Variants in DYNC2I1 observed in about 807,000 individuals in gnomAD.
The protein encoded by DYNC2I1 is dynein 2 intermediate chain 1.
Under a neutral mutation model 133.4 loss-of-function variants are expected in DYNC2I1, and 89 were observed. The observed-to-expected ratio is 0.67, with a 90% CI of 0.56 to 0.80. DYNC2I1 has a LOEUF of 0.80. Ranked by LOEUF, DYNC2I1 falls within the 30% of genes least tolerant of loss-of-function variation. The pLI, the probability that DYNC2I1 is intolerant of heterozygous loss-of-function variation, is 0.00. For synonymous variants in DYNC2I1, 504 were observed against 484.3 expected (o/e 1.04, Z -0.54); for missense variants, 1,291 against 1,314.5 (o/e 0.98, Z 0.28).
At chr7:158,930,566 A>G (rs998305733) in intron 21 of DYNC2I1, 51 bp downstream of exon 21, 41 of 1,509,210 alleles carry the variant, frequency 2.7e-5, no homozygotes, top group Non-Finnish European at 3.6e-5. Context: ...CTAGAAGGAA[A>G]ATAACATTGG....
Position 158,876,709 on chromosome 7 carries a change from T to G in DYNC2I1, c.573+18T>G. 3 of 1,533,932 alleles carry G rather than the reference T, an allele frequency of 2.0e-6. No individual in the cohort carries two copies. Among genetic ancestry groups the G allele is most frequent in the Non-Finnish European group, 2.6e-6 (3 of 1,148,416 alleles). ...AAAGAAAGGTATACGAAGCAAGGCCTGGGGAAAAGTTTTCCAAATGTTGCC... is the reference window on the plus strand; with the variant it reads ...AAAGAAAGGTATACGAAGCAAGGCCGGGGGAAAAGTTTTCCAAATGTTGCC... On this transcript the variant is annotated intron_variant, in intron 4 of 24. Coordinates refer to ENST00000407559, the MANE Select transcript of DYNC2I1 (RefSeq NM_018051.5).
intron 5 of DYNC2I1, among the ~76,000 whole-genome samples, chr7:158,881,591 C>CT (rs1047172427): frequency 1.2e-4 from 19 of 152,006 alleles, no homozygotes; most frequent in Admixed American, 1.2e-3. Flanking sequence ...GTAGCTGGGA[C>CT]TACAGGCATG....
Position 158,891,213 on chromosome 7 carries a change from C to T in DYNC2I1, c.991-52C>T. 3.7e-6 allele frequency: 6 copies of T among 1,604,236 alleles called. No homozygotes were observed. The South Asian group carries it at 4.4e-5, about 12-fold the overall frequency. On this transcript the variant is annotated intron_variant, in intron 7 of 24. Coordinates refer to ENST00000407559, the MANE Select transcript of DYNC2I1 (RefSeq NM_018051.5). The stretch of plus-strand genomic sequence containing the variant: ...GTGGGGGGGAGCTGCGTGGCGTGTG[C>T]CCTGGAGTCCCACCTGTGTCCTGGC...
intron 1 of DYNC2I1, among the ~76,000 whole-genome samples, chr7:158,867,244 G>T (rs1433894629): frequency 1.3e-5 from 2 of 152,118 alleles, no homozygotes; most frequent in African/African-American, 4.8e-5. Context: ...GTTGGAGTGT[G>T]TTACTATGGC....
chr7:158,846,136 G>A, the DYNC2I1 span, among the ~76,000 whole-genome samples: 1 of 152,190 alleles, frequency 6.6e-6, no homozygotes, highest in African/African-American at 2.4e-5. Context: ...GTGCGCACCT[G>A]TAGTCCCAGC....
intron 8 of DYNC2I1, among the ~76,000 whole-genome samples, chr7:158,893,646 C>T (rs59915797): frequency 0.22 from 32,973 of 151,632 alleles, 3,807 homozygotes; most frequent in Middle Eastern, 0.28. Context: ...TACCACATAT[C>T]GTACTGCATG....
chr7:158,846,150 TTG>T, the DYNC2I1 span, among the ~76,000 whole-genome samples: 3 of 152,116 alleles, frequency 2.0e-5, no homozygotes, highest in Non-Finnish European at 4.4e-5. Flanking sequence ...TCCCAGCTAC[TTG>T]GGAGGCTGAG....
At chr7:158,925,330 T>C (rs887032622) in intron 17 of DYNC2I1, among the ~76,000 whole-genome samples, 2 of 152,352 alleles carry the variant, frequency 1.3e-5, no homozygotes, top group East Asian at 1.9e-4. Context: ...CTTGCTTTTT[T>C]GGGTCTAATT....
At chr7:158,844,840 C>T in the DYNC2I1 span, among the ~76,000 whole-genome samples, 1 of 152,104 alleles carries the variant, frequency 6.6e-6, no homozygotes, top group Admixed American at 6.5e-5. Flanking sequence ...AGGCTGGTCT[C>T]GAACTCCCGA....
At chr7:158,867,631 G>A (rs1422085183) in intron 1 of DYNC2I1, among the ~76,000 whole-genome samples, 1 of 152,144 alleles carries the variant, frequency 6.6e-6, no homozygotes, top group Non-Finnish European at 1.5e-5. Context: ...GGTTCCTGTA[G>A]GTTAGGGTTT....
intron 6 of DYNC2I1, among the ~76,000 whole-genome samples, chr7:158,886,332 C>T (rs1844602169): frequency 6.6e-6 from 1 of 151,890 alleles, no homozygotes; most frequent in Non-Finnish European, 1.5e-5. Context: ...TGGGGTTTCT[C>T]CATGTTGGCC....
At chr7:158,951,655 G>A (rs565155668) in intron 4 of DYNC2I1, among the ~76,000 whole-genome samples, 12 of 152,320 alleles carry the variant, frequency 7.9e-5, no homozygotes, top group African/African-American at 2.9e-4. Context: ...GGCAGGGAGC[G>A]GAGAAGTGAA....
intron 11 of DYNC2I1, among the ~76,000 whole-genome samples, chr7:158,911,018 AG>A (rs1563152646): frequency 6.6e-6 from 1 of 152,012 alleles, no homozygotes; most frequent in Non-Finnish European, 1.5e-5. Context: ...CCGTGGGCCG[AG>A]GGCGATTGGC....
At chr7:158,940,969 G>C (rs1851293198) in intron 23 of DYNC2I1, among the ~76,000 whole-genome samples, 2 of 152,058 alleles carry the variant, frequency 1.3e-5, no homozygotes, top group Non-Finnish European at 2.9e-5. Flanking sequence ...TGGAAGGAAA[G>C]AAATAGTAAA....
downstream of DYNC2I1, among the ~76,000 whole-genome samples, chr7:158,958,471 G>A (rs777364453): frequency 6.6e-6 from 1 of 152,254 alleles, no homozygotes; most frequent in Non-Finnish European, 1.5e-5. Flanking sequence ...GAGCAGAACG[G>A]ATGCTCGTCC....
At chr7:158,941,490 A>G (rs1425122557) in intron 23 of DYNC2I1, among the ~76,000 whole-genome samples, 2 of 152,226 alleles carry the variant, frequency 1.3e-5, no homozygotes, top group Non-Finnish European at 2.9e-5. Context: ...TTACAATTTT[A>G]TGTTAGGAAA....
At chr7:158,886,769 A>G (rs1386666911) in intron 6 of DYNC2I1, among the ~76,000 whole-genome samples, 1 of 151,668 alleles carries the variant, frequency 6.6e-6, no homozygotes, top group African/African-American at 2.4e-5. Context: ...ATGCCAGGCT[A>G]ATTTTTTATT....
chr7:158,892,358 T>C (rs1315719525), intron 8 of DYNC2I1, among the ~76,000 whole-genome samples: 1 of 152,236 alleles, frequency 6.6e-6, no homozygotes, highest in East Asian at 1.9e-4. Flanking sequence ...TAATGTACCA[T>C]GACTTTATAT....
chr7:158,870,012 G>A, intron 2 of DYNC2I1, 104 bp downstream of exon 2: 1 of 936,140 alleles, frequency 1.1e-6, no homozygotes, highest in Non-Finnish European at 1.6e-6. Context: ...GGTTATGTGT[G>A]CCTCATTTCA....
Sources: gnomAD v4.1 joint callset for allele counts (sites outside exome capture counted in the v4.1 genomes callset) on GRCh38, gnomAD v4.1.1 for gene constraint, MANE v1.5 for transcripts, NCBI Gene and HGNC (gene_info 2026-07-23, HGNC 2026-07-21) for gene names.